Variants in ARHGEF28 observed in about 807,000 individuals in gnomAD.
ARHGEF28 encodes the protein Rho guanine nucleotide exchange factor 28.
A neutral mutation model predicts 206.6 loss-of-function variants in ARHGEF28; 152 were observed. The observed-to-expected ratio is 0.74, with a 90% confidence interval of 0.64 to 0.84. The LOEUF is 0.84. Among genes scored for constraint, ARHGEF28 ranks in the 40% least tolerant of loss-of-function variants. The pLI, the probability that ARHGEF28 is intolerant of heterozygous loss-of-function variation, is 0.00. For synonymous variants in ARHGEF28, 763 were observed against 776.4 expected (o/e 0.98, Z 0.29); for missense variants, 2,028 against 2,073.2 (o/e 0.98, Z 0.42).
intron 2 of ARHGEF28, among the ~76,000 whole-genome samples, chr5:73,739,882 C>G: frequency 6.8e-6 from 1 of 148,120 alleles, no homozygotes; most frequent in Non-Finnish European, 1.5e-5. Context: ...AAAAATAAAC[C>G]TGGGGCTGGA....
intron 9 of ARHGEF28, among the ~76,000 whole-genome samples, chr5:73,811,327 A>G (rs1392452736): frequency 1.3e-5 from 2 of 152,228 alleles, no homozygotes; most frequent in African/African-American, 4.8e-5. Context: ...CTGTTGTGCT[A>G]AATAAAATAC....
chr5:73,940,387 T>C (rs77685404), intron 35 of ARHGEF28, among the ~76,000 whole-genome samples: 12,836 of 152,180 alleles, frequency 0.084, 1,306 homozygotes, highest in African/African-American at 0.24. Context: ...TTTCACTTTT[T>C]ACCCCCACCC....
chr5:73,634,471 G>C (rs1003125342), intron 1 of ARHGEF28, among the ~76,000 whole-genome samples: 3 of 152,162 alleles, frequency 2.0e-5, no homozygotes, highest in Non-Finnish European at 4.4e-5. Context: ...TTTCTTCGAG[G>C]TCCTCATACA....
intron 35 of ARHGEF28, among the ~76,000 whole-genome samples, chr5:73,937,471 C>T (rs1764485745): frequency 6.6e-6 from 1 of 152,120 alleles, no homozygotes; most frequent in Admixed American, 6.5e-5. Flanking sequence ...TGTTTAGTTT[C>T]CAGAGATAAT....
intron 7 of ARHGEF28, among the ~76,000 whole-genome samples, chr5:73,792,355 C>T (rs933745879): frequency 3.9e-5 from 6 of 152,112 alleles, no homozygotes; most frequent in African/African-American, 1.4e-4. Context: ...AAGCTGGAAC[C>T]TAAATGCACT....
intron 11 of ARHGEF28, among the ~76,000 whole-genome samples, chr5:73,842,391 A>G (rs988380097): frequency 1.3e-5 from 2 of 152,242 alleles, no homozygotes; most frequent in Non-Finnish European, 2.9e-5. Flanking sequence ...GTAGGTGTCC[A>G]TCACTGAGAT....
At chr5:73,930,070 C>T (rs1031331102) in intron 35 of ARHGEF28, among the ~76,000 whole-genome samples, 5 of 152,112 alleles carry the variant, frequency 3.3e-5, no homozygotes, top group Non-Finnish European at 5.9e-5. Flanking sequence ...AAGTGGAGAG[C>T]AGTAAACATC....
intron 9 of ARHGEF28, among the ~76,000 whole-genome samples, chr5:73,828,975 C>T (rs1757118239): frequency 6.6e-6 from 1 of 152,140 alleles, no homozygotes; most frequent in Non-Finnish European, 1.5e-5. Flanking sequence ...TGTGCACCAC[C>T]ACACCCATCT....
intron 2 of ARHGEF28, among the ~76,000 whole-genome samples, chr5:73,741,441 A>G (rs1257123696): frequency 2.0e-5 from 2 of 100,968 alleles, no homozygotes; most frequent in South Asian, 3.6e-4. Flanking sequence ...ATATATATAT[A>G]TGTATACTCA....
chr5:73,910,566 AG>A lies in ARHGEF28; in HGVS notation c.4647+671del, dbSNP rs758663145. Among the ~76,000 whole-genome samples, 9 of 152,082 alleles carry A rather than the reference AG, an allele frequency of 5.9e-5. No homozygotes were observed. The East Asian group carries it at 1.4e-3, about 23-fold the overall frequency. ...AGCGTGCTCTTTTTCCAGTATTTGA[AG>A]GACTCTCTTTATATGATCTGTCTTA... On this transcript the variant is annotated intron_variant, in intron 34 of 35. Transcript: ENST00000513042.
intron 2 of ARHGEF28, among the ~76,000 whole-genome samples, chr5:73,693,861 T>G (rs1345856979): frequency 2.0e-5 from 3 of 151,478 alleles, no homozygotes; most frequent in African/African-American, 7.3e-5. Flanking sequence ...TTTATCTCTT[T>G]GCCTTGTCTC....
chr5:73,653,455 T>G (rs1744962339), intron 1 of ARHGEF28, among the ~76,000 whole-genome samples: 2 of 152,310 alleles, frequency 1.3e-5, no homozygotes, highest in South Asian at 4.1e-4. Flanking sequence ...GGATATATGC[T>G]TATGCTTCTT....
At chr5:73,724,647 G>C (rs1487897119) in intron 2 of ARHGEF28, among the ~76,000 whole-genome samples, 10 of 152,138 alleles carry the variant, frequency 6.6e-5, no homozygotes, top group Admixed American at 6.5e-4. Context: ...CATATAATTG[G>C]AATCCTATGT....
At position 73,909,681 on chromosome 5, in the gene ARHGEF28, G is replaced by C. The variant is rs754487044; in HGVS notation, c.4431G>C (p.Arg1477=). The C allele has an allele frequency of 1.9e-6, 3 of 1,539,104 alleles. No individual in the cohort carries two copies. Among genetic ancestry groups the C allele is most frequent in the Non-Finnish European group, 2.6e-6 (3 of 1,141,526 alleles). The change falls in exon 34 of 36, where the codon CGG becomes CGC. Residue 1477 remains arginine (R), a synonymous_variant. Transcript: ENST00000513042. ...AGAGCTGGCTGCAGGAGCGGGAGCG[G>C]GAGTGCCAGTCGCAGGAGGAGCTGC... The part of the protein sequence containing the change: ...TRESWLQERE[R]ECQSQEELLL...
intron 4 of ARHGEF28, among the ~76,000 whole-genome samples, chr5:73,773,329 A>C (rs1753336865): frequency 6.6e-6 from 1 of 152,168 alleles, no homozygotes; most frequent in South Asian, 2.1e-4. Context: ...GATGGGTAGA[A>C]GCACTGCTGT....
At chr5:73,778,537 C>T (rs981508646) in intron 6 of ARHGEF28, among the ~76,000 whole-genome samples, 27 of 152,114 alleles carry the variant, frequency 1.8e-4, no homozygotes, top group African/African-American at 6.5e-4. Flanking sequence ...GTGGAATGGC[C>T]TTATGTTCCA....
At chr5:73,768,995 G>A (rs938579647) in intron 4 of ARHGEF28, among the ~76,000 whole-genome samples, 6 of 152,022 alleles carry the variant, frequency 3.9e-5, no homozygotes, top group African/African-American at 1.2e-4. Context: ...GCTCCCTCTT[G>A]CCGCTGCCAT....
At chr5:73,699,267 G>A (rs1406837773) in intron 2 of ARHGEF28, among the ~76,000 whole-genome samples, 1 of 151,978 alleles carries the variant, frequency 6.6e-6, no homozygotes, top group East Asian at 1.9e-4. Context: ...TGGCCCTGAT[G>A]TGGGAATCTT....
intron 1 of ARHGEF28, among the ~76,000 whole-genome samples, chr5:73,654,095 C>T (rs1292542902): frequency 2.0e-5 from 3 of 152,108 alleles, no homozygotes; most frequent in Non-Finnish European, 4.4e-5. Context: ...TAAGAGTGGA[C>T]CCCTGCTTAA....
Sources: allele counts gnomAD v4.1 joint callset (sites outside exome capture counted in the v4.1 genomes callset), GRCh38; gene constraint gnomAD v4.1.1; transcripts MANE v1.5; gene names NCBI Gene and HGNC (gene_info 2026-07-23, HGNC 2026-07-21).